Variants in LRPPRC observed in about 807,000 individuals in gnomAD.
The protein encoded by LRPPRC is leucine-rich PPR motif-containing protein, mitochondrial.
In LRPPRC, 120 loss-of-function variants were observed where a neutral mutation model predicts 180.3. The observed-to-expected ratio is 0.67, with a 90% CI of 0.57 to 0.77. The LOEUF (loss-of-function observed/expected upper bound fraction) is 0.77. Ranked by LOEUF, LRPPRC falls within the 30% of genes least tolerant of loss-of-function variation. The pLI is 0.00. For missense variants in LRPPRC, 2,012 were observed against 1,657.2 expected (o/e 1.21, Z -3.72); for synonymous variants, 723 against 600.0 (o/e 1.21, Z -3.00).
At chr2:43,892,947 G>A (rs1670547893) in intron 36 of LRPPRC, among the ~76,000 whole-genome samples, 3 of 152,154 alleles carry the variant, frequency 2.0e-5, no homozygotes. Flanking sequence ...GTAATTGATA[G>A]GAGGTCAAAT....
chr2:43,956,884 C>T (rs950250507), intron 14 of LRPPRC, among the ~76,000 whole-genome samples: 2 of 151,940 alleles, frequency 1.3e-5, no homozygotes, highest in Non-Finnish European at 2.9e-5. Context: ...AGCAAGACTC[C>T]GTCTCAAAAA....
intron 1 of LRPPRC, among the ~76,000 whole-genome samples, chr2:43,988,046 G>T (rs13025206): frequency 6.6e-6 from 1 of 151,726 alleles, no homozygotes; most frequent in Non-Finnish European, 1.5e-5. Flanking sequence ...TTCGAGACCA[G>T]CCCGGCCAAC....
At chr2:43,979,340 A>G (rs1313620565) in intron 3 of LRPPRC, among the ~76,000 whole-genome samples, 1 of 152,170 alleles carries the variant, frequency 6.6e-6, no homozygotes, top group Non-Finnish European at 1.5e-5. Flanking sequence ...CCATTGGCAT[A>G]TAAAGAGCTT....
At chr2:43,936,868 T>C (rs1672296339) in intron 23 of LRPPRC, among the ~76,000 whole-genome samples, 1 of 152,218 alleles carries the variant, frequency 6.6e-6, no homozygotes, top group Non-Finnish European at 1.5e-5. Context: ...GTACAGTAGC[T>C]ACCACATATG....
chr2:43,893,583 T>C (rs1191897893), intron 36 of LRPPRC, among the ~76,000 whole-genome samples: 1 of 152,242 alleles, frequency 6.6e-6, no homozygotes, highest in Non-Finnish European at 1.5e-5. Context: ...TTTAAAAACA[T>C]AATGCTATTG....
chr2:43,947,423 T>C (rs1672728643), intron 19 of LRPPRC, 53 bp from the exon 20 acceptor site: 4 of 875,700 alleles, frequency 4.6e-6, no homozygotes, highest in East Asian at 2.5e-5. Context: ...AAATATAGTA[T>C]GCCTTTTGTC....
At chr2:43,949,744 A>G in intron 15 of LRPPRC, 85 bp from the exon 16 acceptor site, 1 of 895,494 alleles carries the variant, frequency 1.1e-6, no homozygotes, top group Non-Finnish European at 1.9e-6. Flanking sequence ...TGAAATAATA[A>G]AACCTCTCCC....
In LRPPRC at chr2:43,918,552, C is replaced by T. The variant is rs76401355; in HGVS notation, c.2897-154G>A. 2.0e-5 allele frequency among the ~76,000 whole-genome samples: 3 copies of T among 151,888 alleles called. No homozygotes were observed. In the East Asian group the frequency reaches 5.8e-4, roughly 29 times the overall value. On this transcript the variant is annotated intron_variant, in intron 27 of 37. Transcript: ENST00000260665. ...ACCAAAAGTGACCGTGACCCGAAGT[C>T]GAGAAGGGAACTTTTCTCTGTACTT... is the stretch of plus-strand genomic sequence containing the variant.
rs1181020686 is a variant in LRPPRC at position 43,976,226 on chromosome 2, C to A, written c.654G>T (p.Lys218Asn). The A allele has an allele frequency of 1.3e-6, 2 of 1,598,674 alleles. No homozygotes were observed. Among genetic ancestry groups the A allele is most frequent in the Non-Finnish European group, 1.7e-6 (2 of 1,166,118 alleles). ...CCTTAGTTTTCATAAATCCAAGAAT[C>A]TTGCTGCAAAGGAAAAACGAAGATA... ...CNVGDIEGAS[K>N]ILGFMKTKDL... Residue 218 changes from lysine to asparagine, a missense_variant, in exon 6 of 38, where the codon AAG (lysine) becomes AAT (asparagine). Transcript: ENST00000260665.
chr2:43,921,747 C>T (rs1197616427), intron 27 of LRPPRC, among the ~76,000 whole-genome samples: 2 of 152,008 alleles, frequency 1.3e-5, no homozygotes, highest in Non-Finnish European at 2.9e-5. Flanking sequence ...AGAATATGTC[C>T]ATTTCACTTG....
At chr2:43,955,252 GAGGCC>G (rs1380067878) in intron 14 of LRPPRC, among the ~76,000 whole-genome samples, 1 of 152,048 alleles carries the variant, frequency 6.6e-6, no homozygotes, top group East Asian at 1.9e-4. Flanking sequence ...AGGATCACCT[GAGGCC>G]AGGAGTTCAA....
intron 24 of LRPPRC, among the ~76,000 whole-genome samples, 185 bp from the exon 25 acceptor site, chr2:43,934,481 G>A (rs1672201842): frequency 6.6e-6 from 1 of 151,880 alleles, no homozygotes; most frequent in African/African-American, 2.4e-5. Context: ...GAGAACTAGT[G>A]AGGATAAGGG....
At chr2:43,949,552 A>T in intron 16 of LRPPRC, 50 bp downstream of exon 16, 1 of 1,436,140 alleles carries the variant, frequency 7.0e-7, no homozygotes, top group Non-Finnish European at 9.8e-7. Flanking sequence ...ATCATTACAC[A>T]GAAAAATGGA....
chr2:43,902,194 G>C (rs1278720969), intron 31 of LRPPRC: 1 of 152,278 alleles, frequency 6.6e-6, no homozygotes, highest in Non-Finnish European at 1.5e-5. Context: ...TCGGTAAGTT[G>C]AGGAGCATCA....
chr2:43,957,334 G>A (rs1458618252), intron 14 of LRPPRC, 51 bp downstream of exon 14: 5 of 1,224,838 alleles, frequency 4.1e-6, no homozygotes, highest in South Asian at 3.6e-5. Context: ...CAAAAGGACA[G>A]GAGAAATCAG....
Position 43,896,610 on chromosome 2 carries a change from T to G in LRPPRC, c.3900+24A>C, listed in dbSNP as rs1350648427. The G allele has an allele frequency of 2.1e-6, 3 of 1,447,932 alleles. No individual in the cohort carries two copies. In the African/African-American group the frequency reaches 4.2e-5, roughly 20 times the overall value. 89.7% of individuals were successfully genotyped at this position (1,447,932 alleles called of 1,614,324 possible). A position where few individuals can be genotyped will look rare whatever the true frequency, so the allele number is the denominator to read the frequency against. ...GCAAGGCACGTACAGTATCATTGATTTGTAAGCAGGTAAAGCACAGTACCT... is the reference window on the plus strand; with the variant it reads ...GCAAGGCACGTACAGTATCATTGATGTGTAAGCAGGTAAAGCACAGTACCT... On this transcript the variant is annotated intron_variant, in intron 35 of 37. Transcript: ENST00000260665.
At position 43,973,223 on chromosome 2, in the gene LRPPRC, C is replaced by G. The variant is rs1164485364; in HGVS notation, c.1369+384G>C. Among the ~76,000 whole-genome samples the G allele has an allele frequency of 2.6e-5, 4 of 152,010 alleles. No individual in the cohort carries two copies. The East Asian group carries it at 5.8e-4, about 22-fold the overall frequency. On this transcript the variant is annotated intron_variant, in intron 11 of 37. Coordinates refer to ENST00000260665, the MANE Select transcript of LRPPRC (RefSeq NM_133259.4). Reference sequence around the variant, plus strand: ...TAGATTGGCCCACAAAGAAAATGACCATACTTTTTGTTTTCATGAACCTAA... The same window carrying G: ...TAGATTGGCCCACAAAGAAAATGACGATACTTTTTGTTTTCATGAACCTAA...
At chr2:43,958,403 C>T (rs964272516) in intron 13 of LRPPRC, among the ~76,000 whole-genome samples, 1 of 152,098 alleles carries the variant, frequency 6.6e-6, no homozygotes, top group Non-Finnish European at 1.5e-5. Context: ...AAAGAAAAAT[C>T]CCATGGGAAA....
chr2:43,983,768 G>C (rs923327048), intron 1 of LRPPRC, among the ~76,000 whole-genome samples: 1 of 152,046 alleles, frequency 6.6e-6, no homozygotes, highest in African/African-American at 2.4e-5. Flanking sequence ...GTCACAAATT[G>C]AATGATCAAG....
Sources: gnomAD v4.1 joint callset for allele counts (sites outside exome capture counted in the v4.1 genomes callset) on GRCh38, gnomAD v4.1.1 for gene constraint, MANE v1.5 for transcripts, NCBI Gene and HGNC (gene_info 2026-07-23, HGNC 2026-07-21) for gene names.